ARHGEF7: variants seen among roughly 807,000 people sequenced by gnomAD.
ARHGEF7 encodes the protein Rho guanine nucleotide exchange factor 7, also known as PAK-interacting exchange factor beta.
Under a neutral mutation model 109.8 loss-of-function variants are expected in ARHGEF7, and 33 were observed. That is an observed-to-expected ratio of 0.30 (90% confidence interval 0.23 to 0.40). The LOEUF is 0.40. Ranked by LOEUF, ARHGEF7 falls within the 10% of genes least tolerant of loss-of-function variation. The pLI, the probability that ARHGEF7 is intolerant of heterozygous loss-of-function variation, is 1.00. For missense variants in ARHGEF7, 938 were observed against 1,098.5 expected (o/e 0.85, Z 2.07); for synonymous variants, 458 against 424.6 (o/e 1.08, Z -0.97).
chr13:111,275,647 C>T lies in ARHGEF7; in HGVS notation c.1388C>T (p.Ser463Phe). Residue 463 changes from serine to phenylalanine, a missense_variant, in exon 12 of 22, where the codon TCC becomes TTC. Ser to Phe is a radical substitution (Grantham distance 155). Coordinates refer to ENST00000646102, the MANE Select transcript of ARHGEF7 (RefSeq NM_001354046.2). ...ACTCTGGGCAACGTCACTTACATGT[C>T]CCAGGTCCTGATTCAGTGTGCCGGA... The part of the protein sequence containing the change: ...IKTLGNVTYM[S>F]QVLIQCAGSE... 1 of 1,614,162 alleles carries T rather than the reference C, an allele frequency of 6.2e-7. No individual in the cohort carries two copies. Among genetic ancestry groups the T allele is most frequent in the Non-Finnish European group, 8.5e-7 (1 of 1,180,030 alleles).
At chr13:111,133,088 A>T (rs557114293) in intron 1 of ARHGEF7, among the ~76,000 whole-genome samples, 1 of 152,064 alleles carries the variant, frequency 6.6e-6, no homozygotes, top group African/African-American at 2.4e-5. Context: ...ATACACATGC[A>T]TATATACACA....
At chr13:111,116,835 T>C (rs1021773073) in intron 1 of ARHGEF7, among the ~76,000 whole-genome samples, 5 of 152,260 alleles carry the variant, frequency 3.3e-5, no homozygotes, top group African/African-American at 1.2e-4. Context: ...TTATTTAATA[T>C]GAATTTGGCT....
At chr13:111,242,246 G>T (rs1595096290) in intron 6 of ARHGEF7, among the ~76,000 whole-genome samples, 3 of 152,130 alleles carry the variant, frequency 2.0e-5, no homozygotes, top group East Asian at 3.9e-4. Context: ...TTTAGTAAGT[G>T]ATTTAATCAG....
intron 2 of ARHGEF7, chr13:111,187,030 T>A: frequency 1.0e-6 from 1 of 985,796 alleles, no homozygotes; most frequent in Non-Finnish European, 1.2e-6. Flanking sequence ...CTGTGCTTGT[T>A]GGTGTGGGTA....
At chr13:111,172,206 A>C (rs1296882091) in intron 2 of ARHGEF7, among the ~76,000 whole-genome samples, 1 of 152,222 alleles carries the variant, frequency 6.6e-6, no homozygotes, top group African/African-American at 2.4e-5. Context: ...AGTTCTTTAA[A>C]TGGAAGCACT....
intron 2 of ARHGEF7, among the ~76,000 whole-genome samples, chr13:111,174,861 C>T (rs1185636179): frequency 6.6e-6 from 1 of 152,200 alleles, no homozygotes; most frequent in Non-Finnish European, 1.5e-5. Flanking sequence ...CGTGCGAGGA[C>T]TAGAAGTTGC....
intron 2 of ARHGEF7, among the ~76,000 whole-genome samples, chr13:111,162,786 A>G (rs1014684292): frequency 3.9e-5 from 6 of 152,350 alleles, no homozygotes; most frequent in Admixed American, 3.9e-4. Context: ...TTCACCCACA[A>G]GAATAGTTAA....
rs1261786025 is a variant in ARHGEF7, at chr13:111,305,685, T to C, written c.*2572T>C. The C allele has an allele frequency of 6.6e-6, 1 of 152,272 alleles. No homozygotes were observed. Among genetic ancestry groups the C allele is most frequent in the Non-Finnish European group, 1.5e-5 (1 of 68,050 alleles). The allele number at this position is 152,272 out of a possible 1,614,324, so 9.4% of individuals were successfully genotyped here. A position where few individuals can be genotyped will look rare whatever the true frequency, so the allele number is the denominator to read the frequency against. On this transcript the variant is annotated 3_prime_UTR_variant, in exon 22 of 22. Transcript: ENST00000646102. ...GTCCTAGTGTTGACTACTACAATGT[T>C]GATGCTACACTGTTGTAATTATTAA...
At chr13:111,114,840 A>G (rs2066639547), upstream of ARHGEF7, 1 of 152,208 alleles carries the variant, frequency 6.6e-6, no homozygotes, top group Admixed American at 6.5e-5. Flanking sequence ...AGATGGAACC[A>G]TCATTTCTGT....
At chr13:111,178,850 G>T (rs528377265) in intron 2 of ARHGEF7, among the ~76,000 whole-genome samples, 7 of 152,364 alleles carry the variant, frequency 4.6e-5, no homozygotes, top group African/African-American at 1.7e-4. Flanking sequence ...GATTGTTCAT[G>T]TGGGTGTTTA....
intron 5 of ARHGEF7, 139 bp from the exon 6 acceptor site, chr13:111,233,066 A>G (rs923940712): frequency 1.4e-6 from 1 of 713,504 alleles, no homozygotes; most frequent in Non-Finnish European, 2.5e-6. Flanking sequence ...GTCACTGTGG[A>G]TGGCCTTTTC....
At chr13:111,261,573 A>G (rs974235588) in intron 8 of ARHGEF7, among the ~76,000 whole-genome samples, 2 of 152,212 alleles carry the variant, frequency 1.3e-5, no homozygotes, top group Non-Finnish European at 2.9e-5. Context: ...CAACAAAGAC[A>G]CTTGACTTTA....
chr13:111,293,997 A>G (rs1860695099), intron 19 of ARHGEF7: 1 of 985,316 alleles, frequency 1.0e-6, no homozygotes, highest in African/African-American at 1.7e-5. Context: ...GGCAGCTGTT[A>G]ATTCCAAATA....
rs1384417698 is a variant in ARHGEF7, at chr13:111,124,995, C to T, written c.165+9304C>T. Among the ~76,000 whole-genome samples, 11 of 152,106 alleles carry T rather than the reference C, an allele frequency of 7.2e-5. 1 individual carries two copies. Among genetic ancestry groups the T allele is most frequent in the South Asian group, 2.1e-4 (1 of 4,830 alleles). On this transcript the variant is annotated intron_variant, in intron 1 of 21. Transcript: ENST00000646102. ...GGCTGGTCTCAAACTCCTAACCTCACGTGATCTGCCTACCTCGGCCTCCCA... is the reference window on the plus strand; with the variant it reads ...GGCTGGTCTCAAACTCCTAACCTCATGTGATCTGCCTACCTCGGCCTCCCA...
intron 2 of ARHGEF7, among the ~76,000 whole-genome samples, chr13:111,174,297 G>A (rs1480797514): frequency 6.6e-6 from 1 of 152,202 alleles, no homozygotes; most frequent in Non-Finnish European, 1.5e-5. Context: ...TAACCACACT[G>A]TTAAAATGTC....
chr13:111,273,376 C>G lies in ARHGEF7; in HGVS notation c.1074-438C>G, dbSNP rs1319187837. Among the ~76,000 whole-genome samples the G allele has an allele frequency of 1.3e-5, 2 of 152,244 alleles. No homozygotes were observed. Among genetic ancestry groups the G allele is most frequent in the Non-Finnish European group, 2.9e-5 (2 of 68,038 alleles). ...GGGGCCTGCTCGCTGGACGAACTCG[C>G]ATCTGGGGATGACTACCATCAGTGT... is the stretch of plus-strand genomic sequence containing the variant. On this transcript the variant is annotated intron_variant, in intron 9 of 21. Coordinates refer to ENST00000646102, the MANE Select transcript of ARHGEF7 (RefSeq NM_001354046.2). This position sits in a 1 kb window ranked among gnomAD's most constrained non-coding sequence, Gnocchi z 4.5.
At chr13:111,301,860 C>G (rs980316416) in intron 21 of ARHGEF7, among the ~76,000 whole-genome samples, 4 of 152,104 alleles carry the variant, frequency 2.6e-5, no homozygotes, top group African/African-American at 2.4e-5. Context: ...CCACTGCACT[C>G]CAGTCTGAGC....
chr13:111,267,419 G>A (rs1286767478), intron 8 of ARHGEF7, 129 bp from the exon 9 acceptor site: 1 of 1,234,542 alleles, frequency 8.1e-7, no homozygotes, highest in Admixed American at 2.0e-5. Flanking sequence ...GCTGGGATCG[G>A]GGCCTCTGGT....
chr13:111,207,377 A>T (rs1019284002), intron 3 of ARHGEF7, among the ~76,000 whole-genome samples: 3 of 152,176 alleles, frequency 2.0e-5, no homozygotes, highest in African/African-American at 7.2e-5. Flanking sequence ...TGTGCTGCCC[A>T]GGCTTGTCTT....
Sources: gnomAD v4.1 joint callset for allele counts (sites outside exome capture counted in the v4.1 genomes callset) on GRCh38, gnomAD v4.1.1 for gene constraint, Gnocchi (gnomAD v3.1) non-coding constraint, MANE v1.5 for transcripts, NCBI Gene and HGNC (gene_info 2026-07-23, HGNC 2026-07-21) for gene names.